Variants in RABGEF1 observed in about 807,000 individuals in gnomAD.
RABGEF1 encodes the protein rab5 GDP/GTP exchange factor.
In RABGEF1, 26 loss-of-function variants were observed where a neutral mutation model predicts 57.3. That is an observed-to-expected ratio of 0.45 (90% CI 0.33 to 0.63). The LOEUF (loss-of-function observed/expected upper bound fraction) is 0.63. RABGEF1 is among the 20% of genes least tolerant of loss of function. The pLI, the probability that RABGEF1 is intolerant of heterozygous loss-of-function variation, is 0.02. For missense variants in RABGEF1, 464 were observed against 607.6 expected (o/e 0.76, Z 2.48); for synonymous variants, 185 against 210.7 (o/e 0.88, Z 1.06).
At chr7:66,663,028 G>A in the RABGEF1 span, among the ~76,000 whole-genome samples, 1 of 152,238 alleles carries the variant, frequency 6.6e-6, no homozygotes, top group African/African-American at 2.4e-5. Flanking sequence ...CGGGAATGAG[G>A]GCAAGAAACA....
At chr7:66,734,113 C>T (rs1437609406) in intron 2 of RABGEF1, among the ~76,000 whole-genome samples, 1 of 152,232 alleles carries the variant, frequency 6.6e-6, no homozygotes, top group Non-Finnish European at 1.5e-5. Context: ...GGGACACATT[C>T]ATTCATTTCT....
intron 1 of RABGEF1, chr7:66,749,177 A>T (rs1408558116): frequency 6.6e-6 from 1 of 152,408 alleles, no homozygotes; most frequent in Non-Finnish European, 1.5e-5. Context: ...TACTCGTCTC[A>T]GATGAAATGT....
upstream of RABGEF1, among the ~76,000 whole-genome samples, chr7:66,737,959 T>C (rs937987688): frequency 9.9e-5 from 15 of 152,150 alleles, no homozygotes; most frequent in African/African-American, 3.6e-4. Flanking sequence ...TCAGGTCACC[T>C]CATGAGGCCG....
chr7:66,655,505 T>C, the RABGEF1 span, among the ~76,000 whole-genome samples: 1 of 152,170 alleles, frequency 6.6e-6, no homozygotes, highest in Non-Finnish European at 1.5e-5. Context: ...GAGAGCTACT[T>C]TCCCCCCCTA....
the RABGEF1 span, among the ~76,000 whole-genome samples, chr7:66,674,472 G>T: frequency 7.2e-5 from 11 of 152,090 alleles, no homozygotes; most frequent in Non-Finnish European, 1.6e-4. Flanking sequence ...ACAGGTGTGA[G>T]CCACTGCGCC....
upstream of RABGEF1, among the ~76,000 whole-genome samples, chr7:66,738,027 T>G (rs1417744645): frequency 2.7e-5 from 4 of 149,982 alleles, no homozygotes; most frequent in Admixed American, 1.3e-4. Context: ...TTTTTTGTTT[T>G]TTTTTTTTTT....
Position 66,810,820 on chromosome 7 carries a change from A to G in RABGEF1, c.*1536A>G, listed in dbSNP as rs1445383917. On this transcript the variant is annotated 3_prime_UTR_variant, in exon 9 of 9. Coordinates refer to ENST00000284957, the MANE Select transcript of RABGEF1 (RefSeq NM_014504.3). ...TCCTAAGGATGGAGCCCAAAATTGC[A>G]GAGCAGTAACTTTGGAATAAAACCA... The G allele has an allele frequency of 6.6e-6, 1 of 152,242 alleles. No individual in the cohort carries two copies. Among genetic ancestry groups the G allele is most frequent in the Non-Finnish European group, 1.5e-5 (1 of 68,040 alleles). 9.4% of individuals were successfully genotyped at this position (152,242 alleles called of 1,614,324 possible).
chr7:66,715,023 CCT>C (rs994834132), intron 2 of RABGEF1, among the ~76,000 whole-genome samples: 7 of 152,012 alleles, frequency 4.6e-5, no homozygotes, highest in African/African-American at 1.7e-4. Flanking sequence ...TCTTCTTCCT[CCT>C]CTTTCTTCTT....
chr7:66,758,922 A>T (rs1260375631), intron 1 of RABGEF1, among the ~76,000 whole-genome samples: 1 of 152,208 alleles, frequency 6.6e-6, no homozygotes, highest in Non-Finnish European at 1.5e-5. Context: ...ATGACTTCAA[A>T]TCCATAGGAA....
At chr7:66,741,485 C>T (rs537089466) in intron 1 of RABGEF1, among the ~76,000 whole-genome samples, 5 of 152,246 alleles carry the variant, frequency 3.3e-5, no homozygotes, top group Non-Finnish European at 7.4e-5. Flanking sequence ...GACTCTGCCG[C>T]TTTGGAGGCT....
chr7:66,742,906 G>C (rs2129050137), intron 1 of RABGEF1, among the ~76,000 whole-genome samples: 1 of 152,286 alleles, frequency 6.6e-6, no homozygotes, highest in South Asian at 2.1e-4. Flanking sequence ...CGAGCCTGGA[G>C]GGTCGTTACT....
chr7:66,752,369 C>T (rs1223730136), intron 1 of RABGEF1, among the ~76,000 whole-genome samples: 3 of 151,846 alleles, frequency 2.0e-5, no homozygotes, highest in Non-Finnish European at 4.4e-5. Context: ...GTGGCGGGCA[C>T]CTGTAATCCC....
chr7:66,768,105 T>G (rs749990110), intron 1 of RABGEF1, among the ~76,000 whole-genome samples: 5 of 152,252 alleles, frequency 3.3e-5, no homozygotes, highest in Non-Finnish European at 7.3e-5. Flanking sequence ...ATAGCAATTT[T>G]TATTTCTCTA....
intron 1 of RABGEF1, 86 bp downstream of exon 1, chr7:66,740,878 C>G (rs940070026): frequency 6.6e-6 from 1 of 152,152 alleles, no homozygotes; most frequent in African/African-American, 2.4e-5. Context: ...CTGGGGGTGG[C>G]AGGGCGGTCG....
chr7:66,703,099 A>G (rs1272160299), intron 1 of RABGEF1, among the ~76,000 whole-genome samples: 5 of 151,934 alleles, frequency 3.3e-5, no homozygotes, highest in African/African-American at 1.2e-4. Context: ...TCAGCCTCCC[A>G]AGTAGTTGGG....
chr7:66,736,635 G>A (rs540329634), upstream of RABGEF1, among the ~76,000 whole-genome samples: 19 of 152,174 alleles, frequency 1.2e-4, no homozygotes, highest in South Asian at 3.1e-3. Context: ...TGAGGCAGGT[G>A]GATCACTTGA....
At chr7:66,722,706 TGTA>T (rs1562736903) in intron 2 of RABGEF1, among the ~76,000 whole-genome samples, 1 of 152,228 alleles carries the variant, frequency 6.6e-6, no homozygotes, top group Non-Finnish European at 1.5e-5. Context: ...ATTACAGGTT[TGTA>T]GTAAGTTTTA....
intron 1 of RABGEF1, among the ~76,000 whole-genome samples, chr7:66,701,210 A>AC (rs1357330616): frequency 6.6e-6 from 1 of 152,194 alleles, no homozygotes; most frequent in East Asian, 1.9e-4. Context: ...CCGAGAAGTA[A>AC]CAGGGAGGCT....
At chr7:66,733,352 A>C (rs1461483031) in intron 2 of RABGEF1, among the ~76,000 whole-genome samples, 1 of 152,128 alleles carries the variant, frequency 6.6e-6, no homozygotes, top group Non-Finnish European at 1.5e-5. Context: ...TGTGACATTG[A>C]CTGTTACACT....
Sources: gnomAD v4.1 joint callset for allele counts (sites outside exome capture counted in the v4.1 genomes callset) on GRCh38, gnomAD v4.1.1 for gene constraint, MANE v1.5 for transcripts, NCBI Gene and HGNC (gene_info 2026-07-23, HGNC 2026-07-21) for gene names.